Variants in TRDN observed in about 807,000 individuals in gnomAD.
TRDN encodes triadin.
A neutral mutation model predicts 149.7 loss-of-function variants in TRDN; 161 were observed. The ratio of observed to expected loss-of-function variants is 1.08; its 90% confidence interval spans 0.95 to 1.23. The LOEUF is 1.23. TRDN is among the 50% of genes most tolerant of loss of function. TRDN has a pLI of 0.00. For synonymous variants in TRDN, 294 were observed against 250.5 expected (o/e 1.17, Z -1.64); for missense variants, 896 against 823.5 (o/e 1.09, Z -1.08).
intron 23 of TRDN, among the ~76,000 whole-genome samples, chr6:123,319,203 T>C (rs1582866033): frequency 6.6e-6 from 1 of 152,006 alleles, no homozygotes; most frequent in Admixed American, 6.6e-5. Flanking sequence ...AATTGCATGA[T>C]CTTTCAAAGT....
At chr6:123,488,152 C>T (rs1303392830) in intron 9 of TRDN, among the ~76,000 whole-genome samples, 1 of 152,126 alleles carries the variant, frequency 6.6e-6, no homozygotes, top group Non-Finnish European at 1.5e-5. Flanking sequence ...TTCTTCACCT[C>T]TGACCTTTCT....
At chr6:123,632,905 CT>C (rs1786082962) in intron 1 of TRDN, among the ~76,000 whole-genome samples, 1 of 151,372 alleles carries the variant, frequency 6.6e-6, no homozygotes, top group South Asian at 2.1e-4. Flanking sequence ...GCTGCAGACT[CT>C]ATGGGAGTAA....
At chr6:123,381,528 T>A in intron 15 of TRDN, 138 bp from the exon 16 acceptor site, 1 of 756,930 alleles carries the variant, frequency 1.3e-6, no homozygotes, top group Non-Finnish European at 2.2e-6. Context: ...GAGGTGAAAT[T>A]TCACAGTGAG....
chr6:123,489,425 T>G (rs1237981678), intron 9 of TRDN: 1 of 152,150 alleles, frequency 6.6e-6, no homozygotes, highest in Non-Finnish European at 1.5e-5. Context: ...CTGGAGTCAA[T>G]CAGAGTTTTT....
chr6:123,590,087 A>G (rs1471340715), intron 1 of TRDN, among the ~76,000 whole-genome samples: 1 of 152,150 alleles, frequency 6.6e-6, no homozygotes, highest in Non-Finnish European at 1.5e-5. Context: ...GAGATATGTT[A>G]CAGCTGGAGT....
At chr6:123,552,421 T>C (rs1028999282) in intron 2 of TRDN, among the ~76,000 whole-genome samples, 5 of 152,154 alleles carry the variant, frequency 3.3e-5, no homozygotes, top group Admixed American at 6.6e-5. Flanking sequence ...AGTTTCACTG[T>C]TATCTTTGGC....
At chr6:123,373,822 T>C (rs1183800710) in intron 19 of TRDN, among the ~76,000 whole-genome samples, 2 of 152,186 alleles carry the variant, frequency 1.3e-5, no homozygotes, top group Non-Finnish European at 2.9e-5. Context: ...GTGCAGGTTA[T>C]ATACAGAAAA....
intron 7 of TRDN, among the ~76,000 whole-genome samples, chr6:123,505,021 G>A (rs570447911): frequency 3.3e-5 from 5 of 152,092 alleles, no homozygotes; most frequent in South Asian, 4.2e-4. Context: ...CAAGGCGGGC[G>A]GGTCATGAGG....
Position 123,381,380 on chromosome 6 carries a change from G to T in TRDN, c.1176C>A (p.Pro392=). The part of the protein sequence containing the change: ...KTKKPAEVEQ[P]KGKKQEKKEK... ...CATGCATTTCCTTACTTTTTCCCTT[G>T]GGTTGTTCTACTGAAAGAAATACAA... Residue 392 remains proline (P), a synonymous_variant, in exon 16 of 41, where the codon CCC becomes CCA. Transcript: ENST00000334268. 6.4e-7 allele frequency: 1 copy of T among 1,556,802 alleles called. No homozygotes were observed. The highest frequency in any genetic ancestry group is 1.4e-5 in the African/African-American group (1 of 73,596).
chr6:123,556,605 CCTT>C (rs549904827), intron 2 of TRDN, among the ~76,000 whole-genome samples: 24 of 151,396 alleles, frequency 1.6e-4, no homozygotes, highest in Admixed American at 3.9e-4. Flanking sequence ...TCCTCCTCCT[CCTT>C]CTTCTTCCTC....
chr6:123,315,956 T>C (rs1307104441), intron 24 of TRDN, among the ~76,000 whole-genome samples: 1 of 151,902 alleles, frequency 6.6e-6, no homozygotes, highest in East Asian at 1.9e-4. Flanking sequence ...CCATAAAATA[T>C]TTGCACATTT....
In TRDN at chr6:123,548,624, TAA is replaced by T. The variant is rs66509682; in HGVS notation, c.233-14_233-13del. The T allele has an allele frequency of 0.45, 530,286 of 1,189,860 alleles. 61,103 individuals carry two copies. Among genetic ancestry groups the T allele is most frequent in the African/African-American group, 0.57 (35,475 of 61,962 alleles). The allele number at this position is 1,189,860 out of a possible 1,614,324, so 73.7% of individuals were successfully genotyped here. A position where few individuals can be genotyped will look rare whatever the true frequency, so the allele number is the denominator to read the frequency against. The stretch of plus-strand genomic sequence containing the variant: ...GGCAATAGAGCTTGCTAAAAGTAAT[TAA>T]AAAAAAAAAAAAAGAAAAAGTTTGT... On this transcript the variant is annotated splice_polypyrimidine_tract_variant and intron_variant, in intron 2 of 40. Coordinates refer to ENST00000334268, the MANE Select transcript of TRDN (RefSeq NM_006073.4).
At chr6:123,472,740 C>A (rs963722912) in intron 9 of TRDN, among the ~76,000 whole-genome samples, 1 of 152,120 alleles carries the variant, frequency 6.6e-6, no homozygotes, top group Non-Finnish European at 1.5e-5. Context: ...GATCTGAGAA[C>A]GGGCAGAGAA....
chr6:123,475,157 C>T (rs1261543482), intron 9 of TRDN, among the ~76,000 whole-genome samples: 189 of 151,076 alleles, frequency 1.3e-3, no homozygotes, highest in African/African-American at 4.4e-3. Context: ...TGATAGACCA[C>T]TAGCAAGACT....
At chr6:123,396,817 G>A (rs1372143722) in intron 12 of TRDN, among the ~76,000 whole-genome samples, 1 of 152,044 alleles carries the variant, frequency 6.6e-6, no homozygotes, top group African/African-American at 2.4e-5. Context: ...AGTTTAATAC[G>A]ATTAACTTTT....
chr6:123,570,991 G>A lies in TRDN; in HGVS notation c.164C>T (p.Ala55Val), dbSNP rs1333255264. The A allele has an allele frequency of 6.2e-7, 1 of 1,613,954 alleles. No individual in the cohort carries two copies. Residue 55 changes from alanine (A) to valine (V), a missense_variant, in exon 2 of 41, where the codon GCC becomes GTC. Ala to Val is a moderately conservative substitution (Grantham distance 64, BLOSUM62 0). Coordinates refer to ENST00000334268, the MANE Select transcript of TRDN (RefSeq NM_006073.4). ...AACAGCTGACCACGTGATTATCAGG[G>A]CAATGACCAGAAGCCAGGCTGCAGG... ...SSPAAWLLVIALIITWSAVAI... is the reference protein window; with the variant it reads ...SSPAAWLLVIVLIITWSAVAI...
At chr6:123,362,490 C>T (rs1169456832) in intron 20 of TRDN, among the ~76,000 whole-genome samples, 1 of 152,020 alleles carries the variant, frequency 6.6e-6, no homozygotes, top group East Asian at 1.9e-4. Flanking sequence ...ATTACTGTTC[C>T]TCATATACAT....
chr6:123,418,551 A>G (rs1447237276), intron 12 of TRDN: 1 of 152,132 alleles, frequency 6.6e-6, no homozygotes, highest in Non-Finnish European at 1.5e-5. Context: ...CCAAAAGAAC[A>G]AGTACCTCTT....
chr6:123,259,561 T>C, intron 35 of TRDN, 63 bp downstream of exon 35: 7 of 1,059,500 alleles, frequency 6.6e-6, no homozygotes, highest in South Asian at 1.5e-5. Context: ...TGTATAAATT[T>C]GTTTTTTGTT....
Sources: allele counts gnomAD v4.1 joint callset (sites outside exome capture counted in the v4.1 genomes callset), GRCh38; gene constraint gnomAD v4.1.1; transcripts MANE v1.5; gene names NCBI Gene and HGNC (gene_info 2026-07-23, HGNC 2026-07-21).